Variants in GBA1 observed in about 807,000 individuals in gnomAD.
The protein encoded by GBA1 is lysosomal acid glucosylceramidase.
the GBA1 span, chr1:155,238,901 G>A: frequency 1.9e-6 from 1 of 520,284 alleles, no homozygotes; most frequent in South Asian, 2.0e-5. Flanking sequence ...CAAATGTCAG[G>A]GATGGGCAGA....
the GBA1 span, chr1:155,239,822 A>C: frequency 6.2e-7 from 1 of 1,613,184 alleles, no homozygotes; most frequent in South Asian, 1.1e-5. Context: ...CATGGTGATC[A>C]CTGACACCAT....
chr1:155,241,396 T>C, the GBA1 span: 2 of 533,228 alleles, frequency 3.8e-6, no homozygotes. Flanking sequence ...GGAGGGCATG[T>C]ATGGGTGACA....
At chr1:155,240,696 T>G in the GBA1 span, 1 of 1,613,686 alleles carries the variant, frequency 6.2e-7, no homozygotes, top group Non-Finnish European at 8.5e-7. Context: ...ATGCTTACCC[T>G]ACTCAAAGGC....
the GBA1 span, chr1:155,236,336 G>A: frequency 1.2e-6 from 2 of 1,614,226 alleles, no homozygotes; most frequent in Non-Finnish European, 1.7e-6. Context: ...ACAGGCCTCT[G>A]AGGCAAAGAG....
chr1:155,235,304 T>C, the GBA1 span: 1 of 1,611,964 alleles, frequency 6.2e-7, no homozygotes, highest in Non-Finnish European at 8.5e-7. Flanking sequence ...CCCTCAGGAA[T>C]GAACTTGCTG....
the GBA1 span, among the ~76,000 whole-genome samples, chr1:155,236,907 C>T: frequency 6.6e-6 from 1 of 152,100 alleles, no homozygotes; most frequent in Non-Finnish European, 1.5e-5. Flanking sequence ...CTCAGCCTCC[C>T]AGGCTGGAGT....
the GBA1 span, chr1:155,236,111 A>G: frequency 1.2e-5 from 10 of 848,054 alleles, no homozygotes; most frequent in East Asian, 2.6e-4. Flanking sequence ...ATAGGGAATC[A>G]TGGTTCCCCA....
At chr1:155,241,223 C>T in the GBA1 span, 47 of 1,024,240 alleles carry the variant, frequency 4.6e-5, no homozygotes, top group Admixed American at 1.5e-4. Context: ...TAGCTATAGG[C>T]ACTAGGTTAG....
the GBA1 span, chr1:155,241,421 C>T: frequency 4.2e-6 from 2 of 479,024 alleles, no homozygotes; most frequent in Non-Finnish European, 7.5e-6. Context: ...TAGGAAGAGC[C>T]TAGAACACAG....
the GBA1 span, chr1:155,235,711 T>C: frequency 6.2e-7 from 1 of 1,612,214 alleles, no homozygotes; most frequent in Non-Finnish European, 8.5e-7. Flanking sequence ...GAACATGGGC[T>C]GTTTGTAAAA....
the GBA1 span, among the ~76,000 whole-genome samples, chr1:155,241,672 G>T: frequency 2.6e-5 from 4 of 152,162 alleles, no homozygotes; most frequent in Non-Finnish European, 4.4e-5. Context: ...AGACAGAAAC[G>T]GTAACAGGTG....
the GBA1 span, chr1:155,238,187 G>A: frequency 1.1e-5 from 18 of 1,614,206 alleles, no homozygotes; most frequent in Admixed American, 8.3e-5. Flanking sequence ...GCTGTCCCTT[G>A]AGTGACCCCT....
the GBA1 span, among the ~76,000 whole-genome samples, chr1:155,242,333 C>T: frequency 1.3e-5 from 2 of 151,888 alleles, no homozygotes; most frequent in Non-Finnish European, 2.9e-5. Flanking sequence ...AGTGATTCTC[C>T]TGCCTCAGCC....
At chr1:155,237,433 G>T in the GBA1 span, 1 of 1,613,976 alleles carries the variant, frequency 6.2e-7, no homozygotes, top group East Asian at 2.2e-5. Context: ...GTAGGACCTA[G>T]GTCACGGGCA....
At chr1:155,236,596 T>G in the GBA1 span, 1 of 795,908 alleles carries the variant, frequency 1.3e-6, no homozygotes, top group Admixed American at 2.0e-5. Flanking sequence ...GGAGATTTTT[T>G]TTTGTTTTTG....
At chr1:155,240,142 T>C in the GBA1 span, 2 of 1,443,750 alleles carry the variant, frequency 1.4e-6, no homozygotes, top group Middle Eastern at 1.7e-4. Flanking sequence ...ACACATCTGC[T>C]AGGAGAGACT....
chr1:155,239,993 G>A, the GBA1 span: 1 of 1,613,996 alleles, frequency 6.2e-7, no homozygotes, highest in East Asian at 2.2e-5. Context: ...AAAGGTCGGG[G>A]GGTCAAAGGA....
the GBA1 span, chr1:155,238,217 G>C: frequency 6.2e-7 from 1 of 1,614,120 alleles, no homozygotes; most frequent in African/African-American, 1.3e-5. Context: ...CCGCTCCATT[G>C]GTCTTGAGCC....
At chr1:155,236,531 T>G in the GBA1 span, 1 of 1,314,164 alleles carries the variant, frequency 7.6e-7, no homozygotes, top group Non-Finnish European at 1.1e-6. Context: ...TTCTAGTTCC[T>G]GTTGTAGGAA....
Sources: allele counts gnomAD v4.1 joint callset (sites outside exome capture counted in the v4.1 genomes callset), GRCh38; gene constraint gnomAD v4.1.1; transcripts MANE v1.5; gene names NCBI Gene and HGNC (gene_info 2026-07-23, HGNC 2026-07-21).